The following RUNX1 variants were observed in gnomAD, a reference collection of about 807,000 sequenced individuals.
RUNX1 encodes the protein runt-related transcription factor 1.
Under a neutral mutation model 42.8 loss-of-function variants are expected in RUNX1, and 19 were observed. That is an observed-to-expected ratio of 0.44 (90% confidence interval 0.31 to 0.65). The LOEUF is 0.65. RUNX1 is among the 30% of genes least tolerant of loss of function. The pLI, the probability that RUNX1 is intolerant of heterozygous loss-of-function variation, is 0.07. For missense variants in RUNX1, 528 were observed against 672.0 expected (o/e 0.79, Z 2.37); for synonymous variants, 271 against 289.4 (o/e 0.94, Z 0.64).
Position 34,792,949 on chromosome 21 carries a change from G to C in RUNX1, c.968-339C>G, listed in dbSNP as rs976051454. 4.8e-5 allele frequency among the ~76,000 whole-genome samples: 7 copies of C among 146,316 alleles called. No individual in the cohort carries two copies. Among genetic ancestry groups the C allele is most frequent in the African/African-American group, 1.8e-4 (7 of 39,104 alleles). ...GACCACTCAGGATGCCACCTCCTGA[G>C]AGGACGGAGACCACCCAGGATGACA... On this transcript the variant is annotated intron_variant, in intron 8 of 8. Coordinates refer to ENST00000675419, the MANE Select transcript of RUNX1 (RefSeq NM_001754.5). This position sits in a 1 kb window ranked among gnomAD's most constrained non-coding sequence, Gnocchi z 6.9.
intron 7 of RUNX1, among the ~76,000 whole-genome samples, chr21:34,826,439 T>C (rs901216434): frequency 3.6e-5 from 5 of 139,794 alleles, no homozygotes; most frequent in Non-Finnish European, 6.3e-5. Flanking sequence ...TCTTTCTTTT[T>C]TTTTTTTTTT....
intron 6 of RUNX1, among the ~76,000 whole-genome samples, chr21:34,850,287 C>A (rs1014363143): frequency 1.6e-4 from 24 of 152,182 alleles, no homozygotes; most frequent in Non-Finnish European, 2.8e-4. Flanking sequence ...CCCCATCAGA[C>A]CCCCAAAGGA....
chr21:35,038,391 T>A, intron 2 of RUNX1: 1 of 372,698 alleles, frequency 2.7e-6, no homozygotes, highest in Non-Finnish European at 5.3e-6. Flanking sequence ...AGTTTACACT[T>A]CAACATGGAC....
At chr21:34,990,738 C>G (rs1311199265) in intron 2 of RUNX1, among the ~76,000 whole-genome samples, 1 of 151,754 alleles carries the variant, frequency 6.6e-6, no homozygotes, top group African/African-American at 2.4e-5. Context: ...ATTACAGGCA[C>G]CCACCACCAC....
chr21:34,887,242 TGGGG>T, intron 3 of RUNX1, 146 bp from the exon 4 acceptor site: 1 of 295,694 alleles, frequency 3.4e-6, no homozygotes, highest in Non-Finnish European at 4.1e-6. Context: ...CTGCGGGGGG[TGGGG>T]GGGGGCGGGG....
At chr21:34,890,187 C>T (rs2058063692) in intron 3 of RUNX1, among the ~76,000 whole-genome samples, 1 of 151,876 alleles carries the variant, frequency 6.6e-6, no homozygotes, top group Non-Finnish European at 1.5e-5. Flanking sequence ...TCGGGACGCG[C>T]CGCGGGCTCT....
At chr21:35,018,732 G>T (rs981813100) in intron 2 of RUNX1, among the ~76,000 whole-genome samples, 2 of 152,090 alleles carry the variant, frequency 1.3e-5, no homozygotes, top group African/African-American at 4.8e-5. Flanking sequence ...CCTCTACGCA[G>T]TCACACCTCA....
chr21:34,993,097 C>T (rs916159828), intron 2 of RUNX1, among the ~76,000 whole-genome samples: 2 of 152,238 alleles, frequency 1.3e-5, no homozygotes, highest in African/African-American at 4.8e-5. Flanking sequence ...GGTGCTTCAC[C>T]TCGTATCTGG....
intron 2 of RUNX1, among the ~76,000 whole-genome samples, chr21:34,998,702 T>C (rs935595006): frequency 3.5e-4 from 54 of 152,120 alleles, no homozygotes; most frequent in Middle Eastern, 3.4e-3. Flanking sequence ...CCACCATGCC[T>C]GGCTAATTTT....
chr21:35,026,652 G>A (rs1397810797), intron 2 of RUNX1, among the ~76,000 whole-genome samples: 1 of 152,218 alleles, frequency 6.6e-6, no homozygotes, highest in Non-Finnish European at 1.5e-5. Flanking sequence ...CCTCCTATGG[G>A]TCCAGGATCT....
chr21:34,896,684 T>TG (rs1263068698), intron 2 of RUNX1, among the ~76,000 whole-genome samples: 2 of 120,584 alleles, frequency 1.7e-5, no homozygotes, highest in Admixed American at 1.5e-4. Flanking sequence ...CTCTGTCTCA[T>TG]AAAAAGAAAA....
At chr21:34,983,720 T>C (rs1423519300) in intron 2 of RUNX1, among the ~76,000 whole-genome samples, 1 of 152,148 alleles carries the variant, frequency 6.6e-6, no homozygotes, top group African/African-American at 2.4e-5. Flanking sequence ...TTTGGTGTGT[T>C]GTGGGGGGAA....
intron 2 of RUNX1, among the ~76,000 whole-genome samples, chr21:34,967,332 A>G (rs2058727896): frequency 7.1e-6 from 1 of 140,978 alleles, no homozygotes; most frequent in African/African-American, 2.7e-5. Context: ...AAAAAAAAAA[A>G]AAAAAAAAAA....
chr21:35,008,002 C>G (rs1168769264), intron 2 of RUNX1, among the ~76,000 whole-genome samples: 1 of 152,154 alleles, frequency 6.6e-6, no homozygotes, highest in African/African-American at 2.4e-5. Context: ...ATCTACCCCA[C>G]GGCCACCACC....
At chr21:34,821,291 A>G (rs1352049857) in intron 7 of RUNX1, 31 of 1,099,010 alleles carry the variant, frequency 2.8e-5, no homozygotes, top group Non-Finnish European at 3.3e-5. Context: ...GTGAAAAAGA[A>G]TAACATTGAC....
chr21:34,947,394 G>T (rs774264196), intron 2 of RUNX1, among the ~76,000 whole-genome samples: 28 of 151,890 alleles, frequency 1.8e-4, no homozygotes, highest in Non-Finnish European at 2.9e-4. Context: ...CTTCTAGGTG[G>T]GGCAGCTTTT....
In RUNX1 at chr21:34,907,963, C is replaced by T. The variant is rs1255886834; in HGVS notation, c.59-15000G>A. 2.6e-5 allele frequency among the ~76,000 whole-genome samples: 4 copies of T among 152,134 alleles called. No homozygotes were observed. The highest frequency in any genetic ancestry group is 4.8e-5 in the African/African-American group (2 of 41,418). ...AAAAGTGAGTGGCTCTTCTAAGCTCCCGAAACAGTGGCTGATCTGGGACCC... is the reference window on the plus strand; with the variant it reads ...AAAAGTGAGTGGCTCTTCTAAGCTCTCGAAACAGTGGCTGATCTGGGACCC... On this transcript the variant is annotated intron_variant, in intron 2 of 8. Transcript: ENST00000675419. The surrounding 1 kb of genome is among the most constrained non-coding windows in gnomAD (Gnocchi z 5.3).
rs145753045 is a variant in RUNX1 at position 34,987,046 on chromosome 21, T to A, written c.58+61796A>T. 5.9e-5 allele frequency among the ~76,000 whole-genome samples: 9 copies of A among 152,286 alleles called. No individual in the cohort carries two copies. The East Asian group carries it at 1.7e-3, about 29-fold the overall frequency. On this transcript the variant is annotated intron_variant, in intron 2 of 8. Transcript: ENST00000675419. Reference sequence around the variant, plus strand: ...CCACAAGGCTGCATGCCCAGGTAAGTGTGTTTCTTGCACCGCCCTTGCCAT... The same window carrying A: ...CCACAAGGCTGCATGCCCAGGTAAGAGTGTTTCTTGCACCGCCCTTGCCAT...
At chr21:34,887,203 C>G in intron 3 of RUNX1, 107 bp from the exon 4 acceptor site, 1 of 1,502,372 alleles carries the variant, frequency 6.7e-7, no homozygotes. Context: ...TCCCGGGAGA[C>G]CAACATACAC....
Sources: gnomAD v4.1 joint callset for allele counts (sites outside exome capture counted in the v4.1 genomes callset) on GRCh38, gnomAD v4.1.1 for gene constraint, Gnocchi (gnomAD v3.1) non-coding constraint, MANE v1.5 for transcripts, NCBI Gene and HGNC (gene_info 2026-07-23, HGNC 2026-07-21) for gene names.